SLC39A10: variants seen among roughly 807,000 people sequenced by gnomAD.
The protein encoded by SLC39A10 is solute carrier family 39 member 10, also known as zinc transporter ZIP10.
A neutral mutation model predicts 65.1 loss-of-function variants in SLC39A10; 13 were observed. The ratio of observed to expected loss-of-function variants is 0.20; its 90% CI spans 0.13 to 0.32. The LOEUF (loss-of-function observed/expected upper bound fraction) is 0.32. Ranked by LOEUF, SLC39A10 falls within the 10% of genes least tolerant of loss-of-function variation. The pLI is 1.00. For missense variants in SLC39A10, 831 were observed against 1,018.4 expected, an observed-to-expected ratio of 0.82 and a Z score of 2.50; for synonymous variants, 321 against 342.2, an observed-to-expected ratio of 0.94 and a Z score of 0.68.
intron 6 of SLC39A10, among the ~76,000 whole-genome samples, chr2:195,714,337 T>C (rs1489879324): frequency 6.6e-6 from 1 of 152,218 alleles, no homozygotes; most frequent in Non-Finnish European, 1.5e-5. Context: ...ATTTTCAAAA[T>C]CTATTCTTCA....
At position 195,711,970 on chromosome 2, in the gene SLC39A10, C is replaced by T. The variant is rs191418409; in HGVS notation, c.1576-1463C>T. 2.3e-4 allele frequency among the ~76,000 whole-genome samples: 35 copies of T among 152,026 alleles called. No individual in the cohort carries two copies. The East Asian group carries it at 3.5e-3, about 15-fold the overall frequency. On this transcript the variant is annotated intron_variant, in intron 5 of 9. Coordinates refer to ENST00000359634, the MANE Select transcript of SLC39A10 (RefSeq NM_020342.3). ...TGTCTTAACTCTTCCCAGTTTCTAT[C>T]GGCTTAGTGGCTTACATTAACCATT...
In SLC39A10 at chr2:195,649,829, T is replaced by C. The variant is rs1688994774; in HGVS notation, c.-11-30203T>C. On this transcript the variant is annotated intron_variant, in intron 2 of 2. Transcript: ENST00000458054. Reference sequence around the variant, plus strand: ...TACCTACCACACCTGTTTTTCTTCATCTTACTACTCTGTGAGTGAATGAGC... The same window carrying C: ...TACCTACCACACCTGTTTTTCTTCACCTTACTACTCTGTGAGTGAATGAGC... Among the ~76,000 whole-genome samples, 3 of 152,332 alleles carry C rather than the reference T, an allele frequency of 2.0e-5. No individual in the cohort carries two copies. In the East Asian group the frequency reaches 5.8e-4, roughly 29 times the overall value.
chr2:195,685,498 C>A (rs771634528), intron 3 of SLC39A10, among the ~76,000 whole-genome samples: 2 of 152,076 alleles, frequency 1.3e-5, no homozygotes, highest in African/African-American at 4.8e-5. Context: ...ACATTCTTAA[C>A]GCTCATCATT....
At chr2:195,665,018 G>A (rs900299839) in intron 1 of SLC39A10, among the ~76,000 whole-genome samples, 1 of 151,910 alleles carries the variant, frequency 6.6e-6, no homozygotes, top group East Asian at 1.9e-4. Flanking sequence ...CCACCATCTC[G>A]ACAAAAAATT....
chr2:195,661,109 T>A (rs1195562916), intron 1 of SLC39A10, among the ~76,000 whole-genome samples: 1 of 152,154 alleles, frequency 6.6e-6, no homozygotes, highest in African/African-American at 2.4e-5. Flanking sequence ...AATATACCAC[T>A]ACACAAAGGC....
chr2:195,646,050 G>A (rs950071820), intron 2 of SLC39A10, among the ~76,000 whole-genome samples: 1 of 152,078 alleles, frequency 6.6e-6, no homozygotes, highest in African/African-American at 2.4e-5. Context: ...AGGCTCAAGC[G>A]ATCTTCCCAC....
At chr2:195,656,940 G>C (rs922953078), upstream of SLC39A10, 2 of 152,274 alleles carry the variant, frequency 1.3e-5, no homozygotes, top group African/African-American at 4.8e-5. Context: ...CAAAACTAGC[G>C]CGGAGCCACG....
intron 7 of SLC39A10, among the ~76,000 whole-genome samples, chr2:195,717,983 C>G (rs1424340246): frequency 6.6e-6 from 1 of 152,054 alleles, no homozygotes; most frequent in East Asian, 1.9e-4. Flanking sequence ...TGTTACTATT[C>G]CCGAGATATT....
At chr2:195,639,693 C>G (rs560527205) in intron 2 of SLC39A10, among the ~76,000 whole-genome samples, 1 of 152,284 alleles carries the variant, frequency 6.6e-6, no homozygotes, top group Admixed American at 6.5e-5. Flanking sequence ...CAGCAATTCT[C>G]AACCTCCCGA....
chr2:195,716,294 C>T (rs1691804667), intron 6 of SLC39A10, among the ~76,000 whole-genome samples: 1 of 152,080 alleles, frequency 6.6e-6, no homozygotes. Context: ...GAACTCTTTC[C>T]GAACTTTTAT....
rs1177155070 is a variant in SLC39A10, at chr2:195,737,647, T to C, written c.*2606T>C. 11 of 263,232 alleles carry C rather than the reference T, an allele frequency of 4.2e-5. No homozygotes were observed. Among genetic ancestry groups the C allele is most frequent in the Admixed American group, 9.7e-5 (2 of 20,584 alleles). The allele number at this position is 263,232 out of a possible 1,614,324, so 16.3% of individuals were successfully genotyped here. On this transcript the variant is annotated 3_prime_UTR_variant, in exon 10 of 10. Transcript: ENST00000359634. ...CAACAGTGGTGTGTCATTTTATGTATGTTCCTAATGCTTATGGAACTCCTC... is the reference window on the plus strand; with the variant it reads ...CAACAGTGGTGTGTCATTTTATGTACGTTCCTAATGCTTATGGAACTCCTC...
At chr2:195,681,255 G>C (rs182427110) in intron 2 of SLC39A10, among the ~76,000 whole-genome samples, 1 of 152,234 alleles carries the variant, frequency 6.6e-6, no homozygotes, top group African/African-American at 2.4e-5. Context: ...ATCCGGGCGC[G>C]GTGGCTCACA....
intron 3 of SLC39A10, among the ~76,000 whole-genome samples, chr2:195,697,651 G>A (rs1402654088): frequency 1.3e-5 from 2 of 150,460 alleles, no homozygotes; most frequent in Admixed American, 6.7e-5. Flanking sequence ...TACAGAATGG[G>A]AGAAAAATTT....
intron 2 of SLC39A10, among the ~76,000 whole-genome samples, chr2:195,683,150 G>T (rs1690394677): frequency 8.1e-6 from 1 of 123,940 alleles, no homozygotes. Flanking sequence ...TCAGTTTTAA[G>T]CTTACTTTTT....
chr2:195,717,251 A>G, intron 7 of SLC39A10: 1 of 399,766 alleles, frequency 2.5e-6, no homozygotes, highest in Admixed American at 4.2e-5. Context: ...TTCTCAAAGT[A>G]GAGTTACCAT....
At position 195,728,047 on chromosome 2, in the gene SLC39A10, C is replaced by T; in HGVS notation, c.2147-112C>T. The T allele has an allele frequency of 2.2e-6, 2 of 923,988 alleles. No homozygotes were observed. The highest frequency in any genetic ancestry group is 1.9e-5 in the South Asian group (1 of 51,438). The allele number at this position is 923,988 out of a possible 1,614,324, so 57.2% of individuals were successfully genotyped here. ...AATATTTTATATATCACATAAAATA[C>T]TGTTATTAAAAGTGTGTATCTTTTT... On this transcript the variant is annotated intron_variant, in intron 8 of 9. Coordinates refer to ENST00000359634, the MANE Select transcript of SLC39A10 (RefSeq NM_020342.3). This position sits in a 1 kb window ranked among gnomAD's most constrained non-coding sequence, Gnocchi z 4.4.
At chr2:195,717,068 T>A in intron 7 of SLC39A10, 63 bp downstream of exon 7, 2 of 1,543,122 alleles carry the variant, frequency 1.3e-6, no homozygotes, top group Non-Finnish European at 1.7e-6. Context: ...ATGATTAAAT[T>A]TGGCTGGAGC....
At position 195,632,290 on chromosome 2, in the gene SLC39A10, C is replaced by CTTTTTTTT. The variant is rs202193660; in HGVS notation, c.-12+26077_-12+26084dup. On this transcript the variant is annotated intron_variant, in intron 2 of 2. Coordinates refer to the SLC39A10 transcript ENST00000458054. ...AGGTCACCAGCTCTCATTCTACTTC[C>CTTTTTTTT]TTTTTTTTTTTTTTTTTTTTTTTTT... Among the ~76,000 whole-genome samples the CTTTTTTTT allele has an allele frequency of 3.3e-4, 23 of 69,254 alleles. 1 individual carries two copies. Among genetic ancestry groups the CTTTTTTTT allele is most frequent in the African/African-American group, 1.4e-3 (22 of 15,970 alleles). The allele number at this position is 69,254 out of a possible 152,430, so 45.4% of individuals were successfully genotyped here.
intron 5 of SLC39A10, among the ~76,000 whole-genome samples, chr2:195,712,324 G>T (rs1051164807): frequency 6.6e-6 from 1 of 152,218 alleles, no homozygotes; most frequent in Admixed American, 6.5e-5. Flanking sequence ...AAGTCAAAAG[G>T]CTAGCCAGAA....
Sources: gnomAD v4.1 joint callset for allele counts (sites outside exome capture counted in the v4.1 genomes callset) on GRCh38, gnomAD v4.1.1 for gene constraint, Gnocchi (gnomAD v3.1) non-coding constraint, MANE v1.5 for transcripts, NCBI Gene and HGNC (gene_info 2026-07-23, HGNC 2026-07-21) for gene names.